Variants in AK9 observed in about 807,000 individuals in gnomAD.
AK9 encodes the protein adenylate kinase domain containing 1.
AK9 carries 191 observed loss-of-function variants against 239.6 expected under a neutral mutation model. That is an observed-to-expected ratio of 0.80 (90% CI 0.71 to 0.90). The LOEUF (loss-of-function observed/expected upper bound fraction) is 0.90, where lower values mean the gene tolerates loss of function less well. Ranked by LOEUF, AK9 falls within the 40% of genes least tolerant of loss-of-function variation. The pLI is 0.00. For missense variants in AK9, 1,995 were observed against 2,214.7 expected (o/e 0.90, Z 1.99); for synonymous variants, 689 against 721.0 (o/e 0.96, Z 0.71).
intron 26 of AK9, among the ~76,000 whole-genome samples, chr6:109,543,297 T>A (rs1363287005): frequency 1.3e-5 from 2 of 152,168 alleles, no homozygotes; most frequent in Non-Finnish European, 2.9e-5. Flanking sequence ...CAGGATTAAT[T>A]TTATTACCTA....
intron 12 of AK9, among the ~76,000 whole-genome samples, chr6:109,629,879 C>T (rs952667981): frequency 1.3e-5 from 2 of 151,812 alleles, no homozygotes; most frequent in Non-Finnish European, 2.9e-5. Flanking sequence ...ATGATCTACC[C>T]GCCTCGGCCT....
intron 1 of AK9, among the ~76,000 whole-genome samples, chr6:109,682,232 T>A (rs1424325735): frequency 6.6e-6 from 1 of 152,044 alleles, no homozygotes; most frequent in East Asian, 1.9e-4. Flanking sequence ...AAGACCATCC[T>A]GGCTAACAGG....
rs1776782713 is a variant in AK9, at chr6:109,493,996, C to T, written c.5518G>A (p.Ala1840Thr). ...SIRRSALLYIALHLKAFNPKG... is the reference protein window; with the variant it reads ...SIRRSALLYITLHLKAFNPKG... The stretch of plus-strand genomic sequence containing the variant: ...AAAGACATACCTTTGAGATGAAGTG[C>T]TATATATAGCAGTGCAGATCTCCTT... Residue 1840 changes from alanine to threonine, a missense_variant, in exon 40 of 41, where the codon GCA (alanine) becomes ACA (threonine). By Grantham distance (58) the Ala-to-Thr change is moderately conservative. Coordinates refer to ENST00000424296, the MANE Select transcript of AK9 (RefSeq NM_001145128.3). 2 of 1,606,350 alleles carry T rather than the reference C, an allele frequency of 1.2e-6. No individual in the cohort carries two copies. The highest frequency in any genetic ancestry group is 1.7e-6 in the Non-Finnish European group (2 of 1,174,350).
At chr6:109,540,659 T>C (rs1432356859) in intron 27 of AK9, among the ~76,000 whole-genome samples, 1 of 152,200 alleles carries the variant, frequency 6.6e-6, no homozygotes, top group Non-Finnish European at 1.5e-5. Context: ...GGTACCTCAG[T>C]TGGAAATTCA....
At chr6:109,503,191 T>C (rs1582739681) in intron 35 of AK9, among the ~76,000 whole-genome samples, 1 of 151,940 alleles carries the variant, frequency 6.6e-6, no homozygotes, top group South Asian at 2.1e-4. Flanking sequence ...TATAGTATTA[T>C]TAAGGTATAT....
intron 25 of AK9, among the ~76,000 whole-genome samples, chr6:109,548,468 A>G (rs1236978489): frequency 6.6e-6 from 1 of 152,224 alleles, no homozygotes. Flanking sequence ...AATGCCCCAA[A>G]GAGATCAGCA....
chr6:109,611,427 T>C (rs146567750), intron 16 of AK9, among the ~76,000 whole-genome samples: 2 of 152,276 alleles, frequency 1.3e-5, no homozygotes, highest in East Asian at 3.9e-4. Context: ...CCACCCAATA[T>C]CCATTCGCCT....
At position 109,641,587 on chromosome 6, in the gene AK9, G is replaced by C. The variant is rs373942133; in HGVS notation, c.864C>G (p.Asn288Lys). The C allele has an allele frequency of 6.2e-7, 1 of 1,613,224 alleles. No individual in the cohort carries two copies. Among genetic ancestry groups the C allele is most frequent in the Admixed American group, 1.7e-5 (1 of 59,972 alleles). Residue 288 changes from asparagine to lysine, a missense_variant, in exon 10 of 41, where the codon AAC becomes AAG. This residue lies in a region of AK9 where 1,290 missense variants were observed against 1,392.7 expected (regional missense o/e 0.93). Transcript: ENST00000424296. Reference sequence around the variant, plus strand: ...TGGTTAGAATAGCTGCTCTTTTTAGGTTCAGATATTTAAGTCGATCCATAA... The same window carrying C: ...TGGTTAGAATAGCTGCTCTTTTTAGCTTCAGATATTTAAGTCGATCCATAA... ...MIVMDRLKYLNLKRAAILTKL... is the reference protein window; with the variant it reads ...MIVMDRLKYLKLKRAAILTKL...
At chr6:109,666,302 C>G (rs975881694) in intron 5 of AK9, among the ~76,000 whole-genome samples, 3 of 152,222 alleles carry the variant, frequency 2.0e-5, no homozygotes, top group African/African-American at 7.2e-5. Context: ...CAGGGACACA[C>G]TGCTTGTTAA....
chr6:109,585,671 T>A (rs1486492518), intron 18 of AK9, among the ~76,000 whole-genome samples: 1 of 152,148 alleles, frequency 6.6e-6, no homozygotes, highest in African/African-American at 2.4e-5. Context: ...TGTGTGTGCG[T>A]GCTAAACTGT....
At chr6:109,685,369 C>CATATATAT in intron 1 of AK9, among the ~76,000 whole-genome samples, 1 of 152,240 alleles carries the variant, frequency 6.6e-6, no homozygotes, top group African/African-American at 2.4e-5. Context: ...GAAAATGTGG[C>CATATATAT]ATATATACAC....
chr6:109,664,687 T>C (rs11965198), intron 5 of AK9, among the ~76,000 whole-genome samples: 2 of 151,598 alleles, frequency 1.3e-5, no homozygotes, highest in Non-Finnish European at 1.5e-5. Context: ...CCTCTCAAAG[T>C]GCTGGTATTA....
intron 16 of AK9, among the ~76,000 whole-genome samples, chr6:109,611,680 G>A (rs910705632): frequency 6.6e-5 from 10 of 152,004 alleles, no homozygotes; most frequent in African/African-American, 2.4e-4. Context: ...CAGTGTTCCT[G>A]CTAGGTACAC....
intron 35 of AK9, among the ~76,000 whole-genome samples, chr6:109,500,073 A>ACACACACACACAAT (rs1777457775): frequency 6.7e-6 from 1 of 149,776 alleles, no homozygotes; most frequent in Non-Finnish European, 1.5e-5. Flanking sequence ...ACACACACAC[A>ACACACACACACAAT]ATTTATACCT....
intron 18 of AK9, 103 bp downstream of exon 18, chr6:109,585,813 T>C (rs757153565): frequency 4.7e-5 from 51 of 1,088,814 alleles, no homozygotes; most frequent in Non-Finnish European, 6.5e-5. Context: ...CTGGGGTGGG[T>C]ATTTCTATCT....
At chr6:109,548,107 T>C (rs1441181507) in intron 25 of AK9, among the ~76,000 whole-genome samples, 2 of 152,094 alleles carry the variant, frequency 1.3e-5, no homozygotes, top group Non-Finnish European at 2.9e-5. Context: ...TTGTACACTG[T>C]TGTGGAAATG....
intron 8 of AK9, among the ~76,000 whole-genome samples, chr6:109,652,204 C>G (rs1375290146): frequency 6.6e-6 from 1 of 152,198 alleles, no homozygotes; most frequent in African/African-American, 2.4e-5. Context: ...AGCTTATCCA[C>G]CACGATCAAG....
chr6:109,666,125 TG>T (rs1303442670), intron 5 of AK9, among the ~76,000 whole-genome samples: 1 of 152,226 alleles, frequency 6.6e-6, no homozygotes, highest in African/African-American at 2.4e-5. Context: ...AGCTATGAAT[TG>T]TGGGGCTCTA....
At chr6:109,538,436 T>C (rs1033483339) in intron 27 of AK9, among the ~76,000 whole-genome samples, 3 of 152,188 alleles carry the variant, frequency 2.0e-5, no homozygotes, top group Non-Finnish European at 2.9e-5. Flanking sequence ...ACATCTGCCT[T>C]TTTTTGTTTT....
Sources: gnomAD v4.1 joint callset for allele counts (sites outside exome capture counted in the v4.1 genomes callset) on GRCh38, gnomAD v4.1.1 for gene constraint, gnomAD v4.1.1 regional missense constraint, MANE v1.5 for transcripts, NCBI Gene and HGNC (gene_info 2026-07-23, HGNC 2026-07-21) for gene names.